The following SLC7A5 variants were observed in gnomAD, a reference collection of about 807,000 sequenced individuals.
The protein encoded by SLC7A5 is large neutral amino acids transporter small subunit 1.
SLC7A5 carries 23 observed loss-of-function variants against 50.2 expected under a neutral mutation model. That is an observed-to-expected ratio of 0.46 (90% confidence interval 0.33 to 0.65). The LOEUF is 0.65. SLC7A5 is among the 30% of genes least tolerant of loss of function. The pLI, the probability that SLC7A5 is intolerant of heterozygous loss-of-function variation, is 0.02. For missense variants in SLC7A5, 578 were observed against 684.4 expected, an observed-to-expected ratio of 0.84 and a Z score of 1.73; for synonymous variants, 393 against 330.6, an observed-to-expected ratio of 1.19 and a Z score of -2.05.
At chr16:87,834,301 C>T in intron 9 of SLC7A5, 113 bp downstream of exon 9, 6 of 1,059,838 alleles carry the variant, frequency 5.7e-6, no homozygotes, top group Non-Finnish European at 7.1e-6. Context: ...CCTGAACCCT[C>T]CTGCCACCCA....
chr16:87,851,677 G>T, intron 2 of SLC7A5, 47 bp downstream of exon 2: 2 of 1,599,044 alleles, frequency 1.3e-6, no homozygotes, highest in Non-Finnish European at 1.7e-6. Flanking sequence ...AGGACACACA[G>T]GCAAAGCCTC....
At chr16:87,846,104 C>A (rs1319747316) in intron 2 of SLC7A5, among the ~76,000 whole-genome samples, 1 of 152,210 alleles carries the variant, frequency 6.6e-6, no homozygotes, top group East Asian at 1.9e-4. Flanking sequence ...AAGTACCCAC[C>A]CTTGGGGCAG....
rs145053803 is a variant in SLC7A5, at chr16:87,833,818, C to T, written c.1468+596G>A. Among the ~76,000 whole-genome samples, 114 of 151,224 alleles carry T rather than the reference C, an allele frequency of 7.5e-4. No individual in the cohort carries two copies. The highest frequency in any genetic ancestry group is 2.6e-3 in the African/African-American group (108 of 41,276). ...GGTGACAAAGCACCCCTGGGGCTGC[C>T]GCTGCACACAGGGCCGGGGGGCGGG... On this transcript the variant is annotated intron_variant, in intron 9 of 9. Transcript: ENST00000261622. The surrounding 1 kb of genome is among the most constrained non-coding windows in gnomAD (Gnocchi z 6.0).
chr16:87,860,476 G>C lies in SLC7A5; in HGVS notation c.538+8409C>G, dbSNP rs1047436829. ...CCCATCCCCGCCTTGGAGTTGTCCC[G>C]CCTTTCTCGGCAGAACCAACAAATA... is the stretch of plus-strand genomic sequence containing the variant. On this transcript the variant is annotated intron_variant, in intron 1 of 9. Coordinates refer to ENST00000261622, the MANE Select transcript of SLC7A5 (RefSeq NM_003486.7). This position sits in a 1 kb window ranked among gnomAD's most constrained non-coding sequence, Gnocchi z 4.8. 4.6e-5 allele frequency among the ~76,000 whole-genome samples: 7 copies of C among 150,782 alleles called. No individual in the cohort carries two copies. Among genetic ancestry groups the C allele is most frequent in the Non-Finnish European group, 8.8e-5 (6 of 67,856 alleles).
chr16:87,865,757 T>G (rs1429487820), intron 1 of SLC7A5, among the ~76,000 whole-genome samples: 1 of 152,112 alleles, frequency 6.6e-6, no homozygotes, highest in Non-Finnish European at 1.5e-5. Context: ...AAAGCCCTAT[T>G]ACCACAAAAT....
At chr16:87,843,112 C>A (rs932032879) in intron 2 of SLC7A5, among the ~76,000 whole-genome samples, 1 of 152,124 alleles carries the variant, frequency 6.6e-6, no homozygotes, top group African/African-American at 2.4e-5. Flanking sequence ...GAAACACGTG[C>A]CCCATTCACT....
rs2055241296 is a variant in SLC7A5, at chr16:87,852,397, A to T, written c.539-548T>A. ...ACCTGGCCAGTCACCTGGGGACGGCAGCCTGGGAGGGGCCACAGGGGCCTG... is the reference window on the plus strand; with the variant it reads ...ACCTGGCCAGTCACCTGGGGACGGCTGCCTGGGAGGGGCCACAGGGGCCTG... On this transcript the variant is annotated intron_variant, in intron 1 of 9. Coordinates refer to ENST00000261622, the MANE Select transcript of SLC7A5 (RefSeq NM_003486.7). This position sits in a 1 kb window ranked among gnomAD's most constrained non-coding sequence, Gnocchi z 4.5. 6.6e-6 allele frequency among the ~76,000 whole-genome samples: 1 copy of T among 152,178 alleles called. No individual in the cohort carries two copies. The highest frequency in any genetic ancestry group is 6.5e-5 in the Admixed American group (1 of 15,284).
Position 87,861,311 on chromosome 16 carries a change from G to A in SLC7A5, c.538+7574C>T, listed in dbSNP as rs928309753. ...AGGGGATGCTGGGGAACACAGATGA[G>A]CCTCTGACCCACCTGTGTCCTTACC... On this transcript the variant is annotated intron_variant, in intron 1 of 9. Transcript: ENST00000261622. The surrounding 1 kb of genome is among the most constrained non-coding windows in gnomAD (Gnocchi z 4.2). 1.3e-5 allele frequency among the ~76,000 whole-genome samples: 2 copies of A among 152,124 alleles called. No individual in the cohort carries two copies. Among genetic ancestry groups the A allele is most frequent in the African/African-American group, 4.8e-5 (2 of 41,416 alleles).
At chr16:87,851,648 G>A (rs978849350) in intron 2 of SLC7A5, 76 bp downstream of exon 2, 18 of 1,558,936 alleles carry the variant, frequency 1.2e-5, no homozygotes, top group Middle Eastern at 1.9e-4. Context: ...ACCCGGGGAC[G>A]GGACCTCATG....
In SLC7A5 at chr16:87,869,453, C is replaced by G. The variant is rs566703600; in HGVS notation, c.-31G>C. 528 of 1,348,738 alleles carry G rather than the reference C, an allele frequency of 3.9e-4. 3 individuals are homozygous for G. In the African/African-American group the frequency reaches 7.2e-3, roughly 18 times the overall value. The allele number at this position is 1,348,738 out of a possible 1,614,324, so 83.5% of individuals were successfully genotyped here. On this transcript the variant is annotated 5_prime_UTR_variant, in exon 1 of 10. Coordinates refer to ENST00000261622, the MANE Select transcript of SLC7A5 (RefSeq NM_003486.7). Reference sequence around the variant, plus strand: ...GCGCACCGGCCGGGCCTGGGACACCCGGGAGCCGCGGCCCAGCGAGCAGTG... The same window carrying G: ...GCGCACCGGCCGGGCCTGGGACACCGGGGAGCCGCGGCCCAGCGAGCAGTG...
At chr16:87,864,000 T>TATATATATATATATATATAG in intron 1 of SLC7A5, among the ~76,000 whole-genome samples, 1 of 139,990 alleles carries the variant, frequency 7.1e-6, no homozygotes, top group Non-Finnish European at 1.6e-5. Context: ...TATATATATA[T>TATATATATATATATATATAG]ATATATATCA....
chr16:87,852,900 C>T lies in SLC7A5; in HGVS notation c.539-1051G>A, dbSNP rs2055255985. The stretch of plus-strand genomic sequence containing the variant: ...CTGACTCCACGACACCCCTCACTGC[C>T]TGCTGCACTACCCTTCACTCCTCTG... On this transcript the variant is annotated intron_variant, in intron 1 of 9. Coordinates refer to ENST00000261622, the MANE Select transcript of SLC7A5 (RefSeq NM_003486.7). This position sits in a 1 kb window ranked among gnomAD's most constrained non-coding sequence, Gnocchi z 4.5. Among the ~76,000 whole-genome samples the T allele has an allele frequency of 6.6e-6, 1 of 152,156 alleles. No homozygotes were observed. Among genetic ancestry groups the T allele is most frequent in the South Asian group, 2.1e-4 (1 of 4,832 alleles).
At chr16:87,842,374 T>A (rs568614278) in intron 2 of SLC7A5, among the ~76,000 whole-genome samples, 1 of 152,332 alleles carries the variant, frequency 6.6e-6, no homozygotes, top group South Asian at 2.1e-4. Context: ...GGAACCACCT[T>A]GGTGGTCCAG....
At chr16:87,840,341 G>A (rs1360866922) in intron 4 of SLC7A5, 88 bp downstream of exon 4, 32 of 1,235,938 alleles carry the variant, frequency 2.6e-5, no homozygotes, top group Non-Finnish European at 3.5e-5. Context: ...GGCCTGAGCC[G>A]ACCAACAGGC....
chr16:87,835,721 G>T (rs921634991), intron 8 of SLC7A5, among the ~76,000 whole-genome samples: 12 of 152,120 alleles, frequency 7.9e-5, no homozygotes, highest in African/African-American at 2.4e-4. Flanking sequence ...TGATCTGCCC[G>T]CCTCGGCCTC....
intron 2 of SLC7A5, among the ~76,000 whole-genome samples, chr16:87,842,020 T>C (rs1567491240): frequency 6.6e-6 from 1 of 152,146 alleles, no homozygotes; most frequent in South Asian, 2.1e-4. Flanking sequence ...CTCTGTGAAA[T>C]GGGCCTGGTG....
chr16:87,850,151 AG>A (rs1260273934), intron 2 of SLC7A5, among the ~76,000 whole-genome samples: 2 of 152,182 alleles, frequency 1.3e-5, no homozygotes, highest in Admixed American at 1.3e-4. Flanking sequence ...TACAGCCAGC[AG>A]GGGGCGCCAG....
At position 87,861,230 on chromosome 16, in the gene SLC7A5, AC is replaced by A. The variant is rs1232795167; in HGVS notation, c.538+7654del. 6.6e-6 allele frequency among the ~76,000 whole-genome samples: 1 copy of A among 152,138 alleles called. No homozygotes were observed. Among genetic ancestry groups the A allele is most frequent in the Non-Finnish European group, 1.5e-5 (1 of 68,000 alleles). ...GCAGAACCCTGTGGCTGTCCAGGGT[AC>A]CTGGATGTGAGTCTGGGAAGGATGG... On this transcript the variant is annotated intron_variant, in intron 1 of 9. Transcript: ENST00000261622. This position sits in a 1 kb window ranked among gnomAD's most constrained non-coding sequence, Gnocchi z 4.2.
Position 87,862,210 on chromosome 16 carries a change from C to G in SLC7A5, c.538+6675G>C, listed in dbSNP as rs1271367563. ...GGCTACAGGTTACAGGTGCTGGATA[C>G]CCCAGCGGTTGGGGGGGTGGTGCTG... On this transcript the variant is annotated intron_variant, in intron 1 of 9. Transcript: ENST00000261622. The surrounding 1 kb of genome is among the most constrained non-coding windows in gnomAD (Gnocchi z 5.3). Among the ~76,000 whole-genome samples the G allele has an allele frequency of 6.6e-6, 1 of 152,088 alleles. No individual in the cohort carries two copies. The highest frequency in any genetic ancestry group is 1.5e-5 in the Non-Finnish European group (1 of 67,998).
Sources: gnomAD v4.1 joint callset for allele counts (sites outside exome capture counted in the v4.1 genomes callset) on GRCh38, gnomAD v4.1.1 for gene constraint, Gnocchi (gnomAD v3.1) non-coding constraint, MANE v1.5 for transcripts, NCBI Gene and HGNC (gene_info 2026-07-23, HGNC 2026-07-21) for gene names.